SV2C: variants seen among roughly 807,000 people sequenced by gnomAD.
SV2C encodes solute carrier family 22 member B3.
A neutral mutation model predicts 79.7 loss-of-function variants in SV2C; 49 were observed. The observed-to-expected ratio is 0.61, with a 90% CI of 0.49 to 0.78. The LOEUF (loss-of-function observed/expected upper bound fraction) is 0.78. Ranked by LOEUF, SV2C falls within the 30% of genes least tolerant of loss-of-function variation. SV2C has a pLI of 0.00. For synonymous variants in SV2C, 334 were observed against 333.2 expected (o/e 1.00, Z -0.03); for missense variants, 833 against 912.9 (o/e 0.91, Z 1.13).
chr5:76,224,569 G>C (rs1426613126), intron 4 of SV2C, among the ~76,000 whole-genome samples: 1 of 152,136 alleles, frequency 6.6e-6, no homozygotes, highest in Non-Finnish European at 1.5e-5. Flanking sequence ...CCTTGTTTGA[G>C]TGTTGTAATT....
At chr5:76,059,621 C>T in the SV2C span, among the ~76,000 whole-genome samples, 2 of 152,022 alleles carry the variant, frequency 1.3e-5, no homozygotes, top group Non-Finnish European at 2.9e-5. Flanking sequence ...TCCACCACAT[C>T]TGCAATTACT....
At chr5:76,236,187 C>T (rs58329367) in intron 4 of SV2C, among the ~76,000 whole-genome samples, 5 of 152,022 alleles carry the variant, frequency 3.3e-5, no homozygotes, top group Admixed American at 2.6e-4. Context: ...ATGGATAGCA[C>T]GTAAAAGTTA....
chr5:76,294,427 G>A (rs1747673666), intron 8 of SV2C, among the ~76,000 whole-genome samples: 1 of 149,126 alleles, frequency 6.7e-6, no homozygotes, highest in African/African-American at 2.5e-5. Flanking sequence ...TCAGTTTCCT[G>A]AGTAGCTGGG....
At chr5:76,032,750 T>C in the SV2C span, among the ~76,000 whole-genome samples, 1 of 152,360 alleles carries the variant, frequency 6.6e-6, no homozygotes, top group Non-Finnish European at 1.5e-5. Context: ...TATAATCCTT[T>C]GGGTATATAC....
intron 12 of SV2C, among the ~76,000 whole-genome samples, chr5:76,313,040 C>T (rs543653569): frequency 2.3e-4 from 35 of 152,290 alleles, no homozygotes; most frequent in African/African-American, 7.5e-4. Context: ...GCTGTGCGAC[C>T]TCAGGGACAC....
chr5:76,033,722 G>T, the SV2C span, among the ~76,000 whole-genome samples: 1 of 152,184 alleles, frequency 6.6e-6, no homozygotes, highest in Non-Finnish European at 1.5e-5. Flanking sequence ...GATTGACTTG[G>T]CAATGAGGGC....
the SV2C span, among the ~76,000 whole-genome samples, chr5:76,013,984 G>A: frequency 6.6e-6 from 1 of 152,042 alleles, no homozygotes; most frequent in Non-Finnish European, 1.5e-5. Flanking sequence ...TAGTTATAGA[G>A]GCTTAGATTG....
In SV2C at chr5:76,325,497, G is replaced by A. The variant is rs1748967600; in HGVS notation, c.2134G>A (p.Gly712Arg). 6.2e-7 allele frequency: 1 copy of A among 1,614,030 alleles called. No individual in the cohort carries two copies. The highest frequency in any genetic ancestry group is 1.3e-5 in the African/African-American group (1 of 74,900). ...GGCTTCTACTGTGCTCGTGTGTGGA[G>A]GACTCGTTGGGCTGTGCCTGCCTGA... ...LLASTVLVCG[G>R]LVGLCLPDTR... The change falls in exon 13 of 13, where the codon GGA (glycine) becomes AGA (arginine). Residue 712 changes from glycine (G) to arginine (R), a missense_variant. Transcript: ENST00000502798.
intron 4 of SV2C, among the ~76,000 whole-genome samples, chr5:76,256,882 C>T (rs1026241978): frequency 2.0e-5 from 3 of 152,208 alleles, no homozygotes; most frequent in Non-Finnish European, 2.9e-5. Context: ...ACTTAATGAA[C>T]GAGTTCCTCT....
chr5:76,048,965 G>GAGAAAAAGAAAGAA, the SV2C span, among the ~76,000 whole-genome samples: 6 of 58,164 alleles, frequency 1.0e-4, no homozygotes, highest in Non-Finnish European at 1.6e-4. Flanking sequence ...GAAAGAAAAA[G>GAGAAAAAGAAAGAA]AGAAAGAAAG....
At chr5:75,995,446 A>G in the SV2C span, among the ~76,000 whole-genome samples, 1 of 152,142 alleles carries the variant, frequency 6.6e-6, no homozygotes, top group Non-Finnish European at 1.5e-5. Context: ...TTGGCAGAAC[A>G]GATTAGCACA....
At chr5:75,883,932 A>G in the SV2C span, among the ~76,000 whole-genome samples, 4,714 of 152,130 alleles carry the variant, frequency 0.031, 199 homozygotes, top group African/African-American at 0.094. Context: ...GGAGCAGACA[A>G]TTGTCTGAGT....
chr5:76,036,300 G>A, the SV2C span, among the ~76,000 whole-genome samples: 62,932 of 151,274 alleles, frequency 0.42, 15,044 homozygotes, highest in Middle Eastern at 0.58. Context: ...ATGTTAGCTG[G>A]TTATTTTGCT....
At position 76,242,330 on chromosome 5, in the gene SV2C, T is replaced by C. The variant is rs942126208; in HGVS notation, c.913+32443T>C. On this transcript the variant is annotated intron_variant, in intron 4 of 12. Transcript: ENST00000502798. ...AGCGACGGCAGCGGGACATAGGTGCTGGACGCGGGACGCAGCGGCGCGCGG... is the reference window on the plus strand; with the variant it reads ...AGCGACGGCAGCGGGACATAGGTGCCGGACGCGGGACGCAGCGGCGCGCGG... 4 of 1,444,934 alleles carry C rather than the reference T, an allele frequency of 2.8e-6. No homozygotes were observed. In the African/African-American group the frequency reaches 5.6e-5, roughly 20 times the overall value. 89.5% of individuals were successfully genotyped at this position (1,444,934 alleles called of 1,614,324 possible). A position where few individuals can be genotyped will look rare whatever the true frequency, so the allele number is the denominator to read the frequency against.
the SV2C span, among the ~76,000 whole-genome samples, chr5:76,030,277 T>TATTTTTTA: frequency 6.7e-4 from 73 of 108,280 alleles, no homozygotes; most frequent in Admixed American, 2.0e-3. Flanking sequence ...TTTTTTTTTT[T>TATTTTTTA]TTTTTTTTTT....
chr5:75,977,075 CATAAATGAAAAAT>C, the SV2C span, among the ~76,000 whole-genome samples: 1 of 151,962 alleles, frequency 6.6e-6, no homozygotes, highest in Non-Finnish European at 1.5e-5. Context: ...TATATTTTTG[CATAAATGAAAAAT>C]ATAAATTATT....
intron 3 of SV2C, among the ~76,000 whole-genome samples, chr5:76,205,763 C>T (rs575760811): frequency 6.6e-6 from 1 of 150,554 alleles, no homozygotes; most frequent in African/African-American, 2.5e-5. Context: ...TAGCCCCCCA[C>T]TGCAAAACTT....
intron 6 of SV2C, among the ~76,000 whole-genome samples, chr5:76,286,219 T>G (rs1227066870): frequency 6.6e-6 from 1 of 152,126 alleles, no homozygotes; most frequent in African/African-American, 2.4e-5. Context: ...ATCACAGACT[T>G]ACTTACTCTC....
intron 1 of SV2C, among the ~76,000 whole-genome samples, chr5:76,110,400 C>T (rs1748062543): frequency 6.6e-6 from 1 of 152,134 alleles, no homozygotes; most frequent in Admixed American, 6.5e-5. Flanking sequence ...GCATGAATGT[C>T]TTTGGTAAGA....
Sources: allele counts gnomAD v4.1 joint callset (sites outside exome capture counted in the v4.1 genomes callset), GRCh38; gene constraint gnomAD v4.1.1; transcripts MANE v1.5; gene names NCBI Gene and HGNC (gene_info 2026-07-23, HGNC 2026-07-21).